DCC: variants seen among roughly 807,000 people sequenced by gnomAD.
DCC encodes the protein netrin receptor DCC.
In DCC, 58 loss-of-function variants were observed where a neutral mutation model predicts 172.5. The ratio of observed to expected loss-of-function variants is 0.34; its 90% CI spans 0.27 to 0.42. The LOEUF is 0.42. DCC is among the 10% of genes least tolerant of loss of function. DCC has a pLI of 1.00. For synonymous variants in DCC, 709 were observed against 644.5 expected, an observed-to-expected ratio of 1.10 and a Z score of -1.52; for missense variants, 1,740 against 1,791.0, an observed-to-expected ratio of 0.97 and a Z score of 0.51.
At position 52,759,242 on chromosome 18, in the gene DCC, G is replaced by T. The variant is rs573988144; in HGVS notation, c.412+6868G>T. On this transcript the variant is annotated intron_variant, in intron 2 of 28. Coordinates refer to ENST00000442544, the MANE Select transcript of DCC (RefSeq NM_005215.4). ...AAATAATTGCATTTTAAAGAGTAGG[G>T]TTTTAGTTGCCTCCTTCCTAAGTCA... The T allele has an allele frequency of 2.0e-5, 3 of 152,170 alleles. No individual in the cohort carries two copies. In the East Asian group the frequency reaches 5.8e-4, roughly 29 times the overall value. The allele number at this position is 152,170 out of a possible 1,614,324, so 9.4% of individuals were successfully genotyped here.
At chr18:53,526,072 A>C (rs188505670) in intron 27 of DCC, among the ~76,000 whole-genome samples, 69 of 152,142 alleles carry the variant, frequency 4.5e-4, no homozygotes, top group African/African-American at 1.6e-3. Flanking sequence ...AGCCATACAA[A>C]AAAAACCAGA....
At chr18:53,013,912 C>A (rs572320962) in intron 5 of DCC, among the ~76,000 whole-genome samples, 3 of 152,160 alleles carry the variant, frequency 2.0e-5, no homozygotes, top group Admixed American at 1.3e-4. Flanking sequence ...AAAGTTTCAA[C>A]GAACACAACA....
intron 5 of DCC, among the ~76,000 whole-genome samples, chr18:53,009,392 G>T (rs1447549798): frequency 6.6e-6 from 1 of 151,910 alleles, no homozygotes; most frequent in Non-Finnish European, 1.5e-5. Flanking sequence ...ACCATTGGAA[G>T]CCTGGGATTT....
rs188347866 is a variant in DCC at position 53,001,210 on chromosome 18, A to G, written c.986-62095A>G. ...CTATTATTTTGGACATTACATAAGA[A>G]TATTGGACTAGACTCAAAAGATGGC... is the stretch of plus-strand genomic sequence containing the variant. On this transcript the variant is annotated intron_variant, in intron 5 of 28. Coordinates refer to ENST00000442544, the MANE Select transcript of DCC (RefSeq NM_005215.4). Among the ~76,000 whole-genome samples the G allele has an allele frequency of 2.8e-3, 427 of 152,210 alleles. 1 individual carries two copies. Among genetic ancestry groups the G allele is most frequent in the Non-Finnish European group, 5.2e-3 (353 of 67,998 alleles).
At chr18:53,231,038 A>G (rs1240156474) in intron 12 of DCC, among the ~76,000 whole-genome samples, 1 of 151,926 alleles carries the variant, frequency 6.6e-6, no homozygotes, top group Non-Finnish European at 1.5e-5. Flanking sequence ...TGATCTTAGA[A>G]TTGATTTTTT....
intron 2 of DCC, among the ~76,000 whole-genome samples, chr18:52,889,281 T>A (rs902129474): frequency 9.9e-5 from 15 of 152,144 alleles, no homozygotes; most frequent in Non-Finnish European, 1.3e-4. Context: ...CTAAGATTTG[T>A]ATATATTCAG....
At chr18:53,167,197 A>T (rs1470747051) in intron 8 of DCC, among the ~76,000 whole-genome samples, 2 of 152,194 alleles carry the variant, frequency 1.3e-5, no homozygotes, top group African/African-American at 4.8e-5. Flanking sequence ...TAACACTCTG[A>T]GGCACTTAGG....
At chr18:52,602,400 A>AGTGTGTGT (rs71175506) in intron 1 of DCC, among the ~76,000 whole-genome samples, 28,644 of 148,556 alleles carry the variant, frequency 0.19, 3,040 homozygotes, top group South Asian at 0.27. Context: ...TTAGTATCAA[A>AGTGTGTGT]GTGTGTGTGT....
intron 5 of DCC, among the ~76,000 whole-genome samples, chr18:52,950,663 G>A (rs1331132245): frequency 6.6e-6 from 1 of 152,030 alleles, no homozygotes; most frequent in Admixed American, 6.6e-5. Context: ...GGTGGCTCAC[G>A]CCTGTAATTC....
At chr18:52,680,626 A>G (rs1373578742) in intron 1 of DCC, among the ~76,000 whole-genome samples, 3 of 152,148 alleles carry the variant, frequency 2.0e-5, no homozygotes, top group Non-Finnish European at 4.4e-5. Flanking sequence ...TGTTACTCAC[A>G]TTATCCCCAT....
rs569848425 is a variant in DCC at position 52,670,846 on chromosome 18, GA to G, written c.92-81197del. On this transcript the variant is annotated intron_variant, in intron 1 of 28. Coordinates refer to ENST00000442544, the MANE Select transcript of DCC (RefSeq NM_005215.4). ...AAGGAGCAAAACTCCATCTCAAAAA[GA>G]AAAAAAAAAATCCTAAAAGCTAACA... is the stretch of plus-strand genomic sequence containing the variant. 5.6e-3 allele frequency among the ~76,000 whole-genome samples: 806 copies of G among 143,590 alleles called. 4 individuals are homozygous for G. The highest frequency in any genetic ancestry group is 0.018 in the African/African-American group (709 of 39,174). 94.2% of individuals were successfully genotyped at this position (143,590 alleles called of 152,430 possible). A position where few individuals can be genotyped will look rare whatever the true frequency, so the allele number is the denominator to read the frequency against.
intron 5 of DCC, among the ~76,000 whole-genome samples, chr18:52,954,140 G>A (rs1232069357): frequency 1.3e-5 from 2 of 151,932 alleles, no homozygotes; most frequent in Non-Finnish European, 2.9e-5. Context: ...CATTTTCATC[G>A]TATTGCTGGC....
intron 1 of DCC, among the ~76,000 whole-genome samples, chr18:52,513,404 T>C (rs184999677): frequency 2.3e-5 from 3 of 132,932 alleles, no homozygotes; most frequent in Admixed American, 2.2e-4. Context: ...AAGTTAATAC[T>C]GGTACCCACT....
chr18:52,584,816 C>A (rs74820306), intron 1 of DCC, among the ~76,000 whole-genome samples: 1 of 151,736 alleles, frequency 6.6e-6, no homozygotes, highest in Non-Finnish European at 1.5e-5. Flanking sequence ...TTAGGATTAC[C>A]GAGACGAGCC....
chr18:52,504,204 C>A (rs2031137380), intron 1 of DCC, among the ~76,000 whole-genome samples: 1 of 152,076 alleles, frequency 6.6e-6, no homozygotes, highest in Non-Finnish European at 1.5e-5. Flanking sequence ...TAATACTCTA[C>A]TCTATATCTG....
intron 15 of DCC, among the ~76,000 whole-genome samples, chr18:53,343,427 T>C (rs1288508632): frequency 6.6e-6 from 1 of 151,962 alleles, no homozygotes; most frequent in Non-Finnish European, 1.5e-5. Flanking sequence ...ACTTTTTTTT[T>C]CTTTTTTTAA....
At chr18:52,573,456 T>C (rs1313324151) in intron 1 of DCC, among the ~76,000 whole-genome samples, 1 of 152,188 alleles carries the variant, frequency 6.6e-6, no homozygotes, top group East Asian at 1.9e-4. Flanking sequence ...TTACTTAATA[T>C]ATGCTTTTTT....
chr18:52,830,209 A>C (rs528933777), intron 2 of DCC, among the ~76,000 whole-genome samples: 30 of 152,346 alleles, frequency 2.0e-4, no homozygotes, highest in Non-Finnish European at 3.7e-4. Flanking sequence ...CCCATGGGCC[A>C]CATGCAGCCC....
At chr18:53,507,731 TA>T (rs1033213089) in intron 27 of DCC, among the ~76,000 whole-genome samples, 1 of 152,182 alleles carries the variant, frequency 6.6e-6, no homozygotes, top group African/African-American at 2.4e-5. Context: ...TACAGACTTA[TA>T]AGAATAATGG....
Sources: allele counts gnomAD v4.1 joint callset (sites outside exome capture counted in the v4.1 genomes callset), GRCh38; gene constraint gnomAD v4.1.1; transcripts MANE v1.5; gene names NCBI Gene and HGNC (gene_info 2026-07-23, HGNC 2026-07-21).